MBNL2: variants seen among roughly 807,000 people sequenced by gnomAD.
MBNL2 encodes the protein muscleblind like splicing regulator 2.
Under a neutral mutation model 41.9 loss-of-function variants are expected in MBNL2, and 17 were observed. That is an observed-to-expected ratio of 0.41 (90% CI 0.28 to 0.61). The LOEUF (loss-of-function observed/expected upper bound fraction) is 0.61, where lower values mean the gene tolerates loss of function less well. Among genes scored for constraint, MBNL2 ranks in the 20% least tolerant of loss-of-function variants. MBNL2 has a pLI of 0.35. For synonymous variants in MBNL2, 195 were observed against 182.9 expected (o/e 1.07, Z -0.53); for missense variants, 336 against 505.6 (o/e 0.66, Z 3.22).
intron 8 of MBNL2, among the ~76,000 whole-genome samples, chr13:97,388,868 A>G (rs1051347019): frequency 1.3e-5 from 2 of 152,220 alleles, no homozygotes; most frequent in Non-Finnish European, 2.9e-5. Context: ...AATGGAACCT[A>G]TAAGGAAAAA....
At chr13:97,146,411 A>C in the MBNL2 span, among the ~76,000 whole-genome samples, 4 of 152,184 alleles carry the variant, frequency 2.6e-5, no homozygotes, top group African/African-American at 9.6e-5. Flanking sequence ...GAACATATGT[A>C]TTTGTTCAGA....
At chr13:97,245,657 G>A (rs2045319050) in intron 1 of MBNL2, among the ~76,000 whole-genome samples, 1 of 152,164 alleles carries the variant, frequency 6.6e-6, no homozygotes, top group Non-Finnish European at 1.5e-5. Context: ...TAAGTTGGAG[G>A]AATAAAATTA....
chr13:97,232,502 T>C (rs1356455992), intron 1 of MBNL2, among the ~76,000 whole-genome samples: 1 of 152,116 alleles, frequency 6.6e-6, no homozygotes, highest in Non-Finnish European at 1.5e-5. Context: ...ATGAAGAAAA[T>C]GAAGCTTAGA....
chr13:97,329,312 CAATATAAACTATAATAAAATTAGA>C (rs1219229626), intron 2 of MBNL2, among the ~76,000 whole-genome samples: 1 of 152,044 alleles, frequency 6.6e-6, no homozygotes, highest in Non-Finnish European at 1.5e-5. Context: ...GGTCTCCAAA[CAATATAAACTATAATAAAATTAGA>C]AATATGAAAT....
At chr13:97,244,979 A>G (rs1333690300) in intron 1 of MBNL2, among the ~76,000 whole-genome samples, 2 of 152,188 alleles carry the variant, frequency 1.3e-5, no homozygotes, top group African/African-American at 4.8e-5. Context: ...TTATCTAATA[A>G]TGACCATTAA....
chr13:97,177,354 G>A, the MBNL2 span, among the ~76,000 whole-genome samples: 1 of 152,064 alleles, frequency 6.6e-6, no homozygotes, highest in Non-Finnish European at 1.5e-5. Context: ...AGAAAAAAGA[G>A]AAATAAGAGA....
chr13:97,326,086 A>G (rs184462384), intron 2 of MBNL2, among the ~76,000 whole-genome samples: 1 of 151,856 alleles, frequency 6.6e-6, no homozygotes. Flanking sequence ...ATTAGAGAAG[A>G]GCTCTGCCCC....
intron 3 of MBNL2, among the ~76,000 whole-genome samples, chr13:97,337,193 C>T (rs1416058523): frequency 6.6e-6 from 1 of 152,156 alleles, no homozygotes; most frequent in Admixed American, 6.5e-5. Flanking sequence ...TGTGCGGACA[C>T]AGCAAGAAGG....
intron 8 of MBNL2, among the ~76,000 whole-genome samples, chr13:97,373,640 G>T (rs1415976984): frequency 6.7e-6 from 1 of 149,208 alleles, no homozygotes; most frequent in African/African-American, 2.5e-5. Context: ...GGTAGGAGGA[G>T]GTTGGGGGAT....
the MBNL2 span, among the ~76,000 whole-genome samples, chr13:97,142,615 T>C: frequency 4.6e-5 from 7 of 152,236 alleles, no homozygotes; most frequent in Admixed American, 3.3e-4. Flanking sequence ...TGGCTCTGCA[T>C]TGGTCATGCA....
chr13:97,286,493 C>A (rs993141509), intron 2 of MBNL2, among the ~76,000 whole-genome samples: 1 of 152,244 alleles, frequency 6.6e-6, no homozygotes, highest in Admixed American at 6.5e-5. Flanking sequence ...TACTAGCTCT[C>A]ATTTCTGTAC....
intron 8 of MBNL2, among the ~76,000 whole-genome samples, chr13:97,383,028 A>G (rs1305485911): frequency 6.6e-6 from 1 of 152,216 alleles, no homozygotes; most frequent in East Asian, 1.9e-4. Context: ...GGAAAGGGCC[A>G]GGAAAGAAAA....
chr13:97,187,621 AAAGAG>A, the MBNL2 span, among the ~76,000 whole-genome samples: 7 of 143,220 alleles, frequency 4.9e-5, no homozygotes, highest in African/African-American at 7.9e-5. Context: ...AAAAAAAAAA[AAAGAG>A]GCCGGGCGCG....
At chr13:97,158,467 A>T in the MBNL2 span, among the ~76,000 whole-genome samples, 1 of 151,954 alleles carries the variant, frequency 6.6e-6, no homozygotes, top group African/African-American at 2.4e-5. Flanking sequence ...TTGCTTTTGT[A>T]GTTCTTTTAA....
At chr13:97,224,122 CAGCAGGG>C (rs2041226316) in intron 1 of MBNL2, among the ~76,000 whole-genome samples, 1 of 152,208 alleles carries the variant, frequency 6.6e-6, no homozygotes, top group Non-Finnish European at 1.5e-5. Flanking sequence ...TGGCAAAAAG[CAGCAGGG>C]AGCAGGGCAA....
At chr13:97,371,552 C>T (rs1219083410) in intron 8 of MBNL2, among the ~76,000 whole-genome samples, 1 of 152,044 alleles carries the variant, frequency 6.6e-6, no homozygotes, top group Non-Finnish European at 1.5e-5. Flanking sequence ...TGTGTGGTAC[C>T]TTGATGCCAA....
At chr13:97,319,353 C>T (rs898160469) in intron 2 of MBNL2, among the ~76,000 whole-genome samples, 2 of 152,114 alleles carry the variant, frequency 1.3e-5, no homozygotes, top group Admixed American at 1.3e-4. Flanking sequence ...TGGGGGAGTG[C>T]TGGCCAGGCG....
chr13:97,380,719 A>T (rs1312361670), intron 8 of MBNL2, among the ~76,000 whole-genome samples: 1 of 152,176 alleles, frequency 6.6e-6, no homozygotes, highest in African/African-American at 2.4e-5. Context: ...GGGCCTCACC[A>T]CCGAGCTTTA....
At chr13:97,290,562 GCTA>G (rs1289197982) in intron 2 of MBNL2, among the ~76,000 whole-genome samples, 3 of 152,008 alleles carry the variant, frequency 2.0e-5, no homozygotes, top group Non-Finnish European at 4.4e-5. Flanking sequence ...TGTAGTCCCA[GCTA>G]CTCGGGAGGC....
Sources: allele counts gnomAD v4.1 joint callset (sites outside exome capture counted in the v4.1 genomes callset), GRCh38; gene constraint gnomAD v4.1.1; transcripts MANE v1.5; gene names NCBI Gene and HGNC (gene_info 2026-07-23, HGNC 2026-07-21).